Variants in LRFN5 observed in about 807,000 individuals in gnomAD.
LRFN5 encodes leucine rich repeat and fibronectin type III domain containing 5.
A neutral mutation model predicts 45.6 loss-of-function variants in LRFN5; 24 were observed. The ratio of observed to expected loss-of-function variants is 0.53; its 90% CI spans 0.38 to 0.74. The LOEUF (loss-of-function observed/expected upper bound fraction) is 0.74, where lower values mean the gene tolerates loss of function less well. Among genes scored for constraint, LRFN5 ranks in the 30% least tolerant of loss-of-function variants. The pLI is 0.00. For synonymous variants in LRFN5, 340 were observed against 313.8 expected (o/e 1.08, Z -0.88); for missense variants, 776 against 861.5 (o/e 0.90, Z 1.24).
chr14:41,616,443 T>A (rs1188160130), intron 1 of LRFN5, among the ~76,000 whole-genome samples: 1 of 152,130 alleles, frequency 6.6e-6, no homozygotes, highest in Non-Finnish European at 1.5e-5. Context: ...TAGTCCTTAA[T>A]CAGTCTTGAT....
At chr14:41,673,908 A>C (rs1484312860) in intron 1 of LRFN5, among the ~76,000 whole-genome samples, 7 of 127,874 alleles carry the variant, frequency 5.5e-5, no homozygotes, top group Admixed American at 4.8e-4. Flanking sequence ...TGATCCCCCC[A>C]CCTCCCTCCC....
intron 2 of LRFN5, among the ~76,000 whole-genome samples, chr14:41,799,895 T>G (rs2138965395): frequency 6.6e-6 from 1 of 151,242 alleles, no homozygotes; most frequent in Middle Eastern, 3.4e-3. Flanking sequence ...GCTAAAATGA[T>G]ATCTCAGGCT....
rs1266497584 is a variant in LRFN5, at chr14:41,842,703, A to T, written c.-20-43903A>T. On this transcript the variant is annotated intron_variant, in intron 2 of 5. Coordinates refer to ENST00000298119, the MANE Select transcript of LRFN5 (RefSeq NM_152447.5). ...ATTACTGAAGGCTTTTCTTCAGTGGATGTATAACATTTTTTTACCATGAGA... is the reference window on the plus strand; with the variant it reads ...ATTACTGAAGGCTTTTCTTCAGTGGTTGTATAACATTTTTTTACCATGAGA... Among the ~76,000 whole-genome samples, 3 of 152,262 alleles carry T rather than the reference A, an allele frequency of 2.0e-5. No homozygotes were observed. The East Asian group carries it at 5.8e-4, about 29-fold the overall frequency.
intron 2 of LRFN5, among the ~76,000 whole-genome samples, chr14:41,835,423 T>A (rs1266707308): frequency 1.3e-5 from 2 of 152,222 alleles, no homozygotes; most frequent in Non-Finnish European, 2.9e-5. Context: ...GAGCAGATGC[T>A]TATGTTTGGA....
At chr14:41,730,830 A>C (rs1306048199) in intron 1 of LRFN5, among the ~76,000 whole-genome samples, 1 of 148,654 alleles carries the variant, frequency 6.7e-6, no homozygotes, top group African/African-American at 2.5e-5. Context: ...ATGAGAGTTT[A>C]AAAAAAAAAT....
intron 1 of LRFN5, among the ~76,000 whole-genome samples, chr14:41,610,661 T>TAAAAAACAAAAAACAAAA (rs1566586977): frequency 5.4e-5 from 2 of 37,240 alleles, no homozygotes; most frequent in Non-Finnish European, 1.4e-4. Context: ...CCAGGGAAGG[T>TAAAAAACAAAAAACAAAA]AAAAAAAAAA....
At chr14:41,786,834 T>C (rs1233772244) in intron 2 of LRFN5, among the ~76,000 whole-genome samples, 1 of 152,008 alleles carries the variant, frequency 6.6e-6, no homozygotes, top group Admixed American at 6.6e-5. Flanking sequence ...GTTGTTGTTA[T>C]TATATTTGTG....
chr14:41,701,101 ATATAT>A (rs1409716211), intron 1 of LRFN5: 2 of 152,156 alleles, frequency 1.3e-5, no homozygotes, highest in African/African-American at 4.8e-5. Flanking sequence ...AATACTCATT[ATATAT>A]TTGCAGAATA....
At chr14:41,648,626 T>C (rs1459259316) in intron 1 of LRFN5, among the ~76,000 whole-genome samples, 1 of 152,150 alleles carries the variant, frequency 6.6e-6, no homozygotes, top group Non-Finnish European at 1.5e-5. Flanking sequence ...AGAAATTTAA[T>C]AAAACAAATA....
chr14:41,880,173 C>T (rs775112347), intron 2 of LRFN5, among the ~76,000 whole-genome samples: 6 of 151,810 alleles, frequency 4.0e-5, no homozygotes, highest in African/African-American at 1.5e-4. Context: ...GTGATCTGCC[C>T]GCCTTGGCCT....
intron 2 of LRFN5, among the ~76,000 whole-genome samples, chr14:41,778,011 T>TGG (rs71102200): frequency 1.1e-3 from 129 of 112,626 alleles, no homozygotes; most frequent in Middle Eastern, 5.4e-3. Flanking sequence ...TTTTTTTTGG[T>TGG]GGGGGGGGGG....
At chr14:41,773,553 C>T (rs1886166087) in intron 2 of LRFN5, among the ~76,000 whole-genome samples, 1 of 152,106 alleles carries the variant, frequency 6.6e-6, no homozygotes, top group Non-Finnish European at 1.5e-5. Flanking sequence ...TCCTCTCTCT[C>T]TCTCTTTGTC....
At chr14:41,842,323 T>A (rs778368407) in intron 2 of LRFN5, among the ~76,000 whole-genome samples, 4 of 152,122 alleles carry the variant, frequency 2.6e-5, no homozygotes, top group Non-Finnish European at 5.9e-5. Flanking sequence ...GTGACAAGCA[T>A]CATTGTAGGT....
intron 2 of LRFN5, among the ~76,000 whole-genome samples, chr14:41,882,355 C>T (rs1890409517): frequency 6.6e-6 from 1 of 152,124 alleles, no homozygotes; most frequent in Non-Finnish European, 1.5e-5. Flanking sequence ...GTTAAAATCA[C>T]AGGTATCTGT....
At chr14:41,715,603 T>G (rs2138756455) in intron 1 of LRFN5, among the ~76,000 whole-genome samples, 1 of 152,274 alleles carries the variant, frequency 6.6e-6, no homozygotes, top group South Asian at 2.1e-4. Context: ...CTGGGAAATT[T>G]ATAAGGAAAA....
chr14:41,784,569 T>C (rs1886648191), intron 2 of LRFN5, among the ~76,000 whole-genome samples: 1 of 151,978 alleles, frequency 6.6e-6, no homozygotes, highest in South Asian at 2.1e-4. Context: ...TCTGAAAATG[T>C]TTTCATTTTT....
At chr14:41,643,353 GT>G (rs1879668396) in intron 1 of LRFN5, among the ~76,000 whole-genome samples, 1 of 152,054 alleles carries the variant, frequency 6.6e-6, no homozygotes, top group Non-Finnish European at 1.5e-5. Flanking sequence ...TGCAATTAAA[GT>G]TTTATATTTT....
At chr14:41,832,565 AG>A (rs1396373646) in intron 2 of LRFN5, among the ~76,000 whole-genome samples, 2 of 152,184 alleles carry the variant, frequency 1.3e-5, no homozygotes, top group Non-Finnish European at 2.9e-5. Context: ...GAGGGTCATT[AG>A]GGGTAATCAT....
At chr14:41,656,455 T>G (rs564080329) in intron 1 of LRFN5, among the ~76,000 whole-genome samples, 2 of 152,028 alleles carry the variant, frequency 1.3e-5, no homozygotes, top group East Asian at 3.9e-4. Flanking sequence ...TATTTCACAG[T>G]TTGAGATTTA....
Sources: allele counts gnomAD v4.1 joint callset (sites outside exome capture counted in the v4.1 genomes callset), GRCh38; gene constraint gnomAD v4.1.1; transcripts MANE v1.5; gene names NCBI Gene and HGNC (gene_info 2026-07-23, HGNC 2026-07-21).